AUH: variants seen among roughly 807,000 people sequenced by gnomAD.
AUH encodes methylglutaconyl-CoA hydratase, mitochondrial.
In AUH, 29 loss-of-function variants were observed where a neutral mutation model predicts 42.3. The ratio of observed to expected loss-of-function variants is 0.69; its 90% CI spans 0.51 to 0.93. The LOEUF is 0.93. Ranked by LOEUF, AUH falls within the 40% of genes least tolerant of loss-of-function variation. The pLI is 0.00. For synonymous variants in AUH, 174 were observed against 166.4 expected, an observed-to-expected ratio of 1.05 and a Z score of -0.35; for missense variants, 452 against 438.1, an observed-to-expected ratio of 1.03 and a Z score of -0.28.
chr9:91,331,712 CCTT>C (rs1261625202), intron 3 of AUH, among the ~76,000 whole-genome samples: 1 of 152,124 alleles, frequency 6.6e-6, no homozygotes, highest in East Asian at 1.9e-4. Flanking sequence ...TTAATAAATT[CCTT>C]CTTTTAAATA....
intron 6 of AUH, among the ~76,000 whole-genome samples, chr9:91,289,104 G>A (rs1302366962): frequency 6.6e-6 from 1 of 152,108 alleles, no homozygotes; most frequent in African/African-American, 2.4e-5. Context: ...TTTATCAAAT[G>A]TACAGTAAAT....
chr9:91,331,610 G>A (rs996746217), intron 3 of AUH, among the ~76,000 whole-genome samples: 4 of 151,966 alleles, frequency 2.6e-5, no homozygotes, highest in Non-Finnish European at 4.4e-5. Context: ...AGTAGACAAC[G>A]CATGGAATTG....
At chr9:91,357,443 G>C in intron 1 of AUH, 2 of 929,734 alleles carry the variant, frequency 2.2e-6, no homozygotes, top group Non-Finnish European at 2.6e-6. Flanking sequence ...AAGCAGCTAA[G>C]ACTAGATGTG....
intron 3 of AUH, among the ~76,000 whole-genome samples, chr9:91,337,245 T>G (rs1054242888): frequency 6.6e-6 from 1 of 152,234 alleles, no homozygotes; most frequent in Non-Finnish European, 1.5e-5. Flanking sequence ...ATGAAATTCA[T>G]GTGTTTTCTT....
chr9:91,296,003 G>A lies in AUH; in HGVS notation c.655+18C>T. 6.2e-7 allele frequency: 1 copy of A among 1,613,608 alleles called. No individual in the cohort carries two copies. Among genetic ancestry groups the A allele is most frequent in the East Asian group, 2.2e-5 (1 of 44,826 alleles). On this transcript the variant is annotated intron_variant, in intron 6 of 9. Coordinates refer to ENST00000375731, the MANE Select transcript of AUH (RefSeq NM_001698.3). ...GACCAAATCAAGGATTTGAGGAATG[G>A]GCGTGAACTACTCATACCTCCACCA...
At position 91,308,813 on chromosome 9, in the gene AUH, G is replaced by A. The variant is rs908288679; in HGVS notation, c.506-10737C>T. On this transcript the variant is annotated intron_variant, in intron 4 of 9. Transcript: ENST00000375731. ...ATTCTTTTTTTTTTTTTTTTGAGAC[G>A]CAGTTTCGCTATTGTTACCCAGGCT... Among the ~76,000 whole-genome samples, 3 of 144,138 alleles carry A rather than the reference G, an allele frequency of 2.1e-5. 1 individual carries two copies. Among genetic ancestry groups the A allele is most frequent in the East Asian group, 4.1e-4 (2 of 4,916 alleles). The allele number at this position is 144,138 out of a possible 152,430, so 94.6% of individuals were successfully genotyped here.
At chr9:91,254,637 T>C (rs1829312360) in intron 6 of AUH, among the ~76,000 whole-genome samples, 1 of 152,122 alleles carries the variant, frequency 6.6e-6, no homozygotes, top group Non-Finnish European at 1.5e-5. Flanking sequence ...AAGAGATGGG[T>C]AATCTAAAAT....
intron 6 of AUH, among the ~76,000 whole-genome samples, chr9:91,256,473 C>A (rs918856539): frequency 1.3e-5 from 2 of 152,112 alleles, no homozygotes; most frequent in Non-Finnish European, 2.9e-5. Context: ...CATCACCACC[C>A]AGACACTTCC....
At chr9:91,339,443 C>T (rs1044512767) in intron 3 of AUH, among the ~76,000 whole-genome samples, 3 of 152,122 alleles carry the variant, frequency 2.0e-5, no homozygotes, top group African/African-American at 7.2e-5. Context: ...AGTCAATATA[C>T]TGCAGGTACT....
At chr9:91,214,660 A>G (rs963788895) in intron 9 of AUH, among the ~76,000 whole-genome samples, 11 of 152,192 alleles carry the variant, frequency 7.2e-5, no homozygotes, top group Non-Finnish European at 1.5e-4. Context: ...TTATCGATTT[A>G]GATATTTTCT....
At chr9:91,243,595 T>A (rs574790456) in intron 6 of AUH, among the ~76,000 whole-genome samples, 1 of 152,276 alleles carries the variant, frequency 6.6e-6, no homozygotes, top group South Asian at 2.1e-4. Context: ...TTAGGGCTAG[T>A]GCTACAAGAA....
intron 4 of AUH, among the ~76,000 whole-genome samples, chr9:91,308,820 C>T (rs867501253): frequency 1.9e-4 from 27 of 141,908 alleles, no homozygotes; most frequent in South Asian, 1.1e-3. Context: ...GACGCAGTTT[C>T]GCTATTGTTA....
intron 6 of AUH, among the ~76,000 whole-genome samples, chr9:91,260,527 G>C (rs1829655022): frequency 6.6e-6 from 1 of 151,954 alleles, no homozygotes; most frequent in African/African-American, 2.4e-5. Flanking sequence ...TCTCAGCTAG[G>C]GCTTTATGAG....
At chr9:91,334,027 T>C (rs571846191) in intron 3 of AUH, among the ~76,000 whole-genome samples, 3 of 152,282 alleles carry the variant, frequency 2.0e-5, no homozygotes, top group Middle Eastern at 3.4e-3. Context: ...CGTTATGTAT[T>C]AGACAGACCC....
chr9:91,214,050 T>C lies in AUH; in HGVS notation c.*298A>G. The C allele has an allele frequency of 3.2e-6, 1 of 312,336 alleles. No homozygotes were observed. The highest frequency in any genetic ancestry group is 3.8e-5 in the South Asian group (1 of 26,014). The allele number at this position is 312,336 out of a possible 1,614,324, so 19.3% of individuals were successfully genotyped here. ...CTAGAATGTGCAATATATAAATTAT[T>C]CACATTAAAAAATTAACAGAAAGCC... On this transcript the variant is annotated 3_prime_UTR_variant, in exon 10 of 10. Coordinates refer to ENST00000375731, the MANE Select transcript of AUH (RefSeq NM_001698.3).
At chr9:91,217,361 A>T (rs891900371) in intron 7 of AUH, 34 bp from the exon 8 acceptor site, 2 of 1,591,124 alleles carry the variant, frequency 1.3e-6, no homozygotes, top group African/African-American at 2.7e-5. Flanking sequence ...GACTTCAATT[A>T]TTTTTTATGC....
intron 6 of AUH, among the ~76,000 whole-genome samples, chr9:91,282,257 G>T (rs950824522): frequency 1.3e-5 from 2 of 152,058 alleles, no homozygotes; most frequent in Non-Finnish European, 2.9e-5. Flanking sequence ...TTATTTCAAT[G>T]TTACCTTTTA....
intron 6 of AUH, among the ~76,000 whole-genome samples, chr9:91,224,451 T>C (rs1587630138): frequency 6.6e-6 from 1 of 152,234 alleles, no homozygotes; most frequent in African/African-American, 2.4e-5. Context: ...TAAAAGTCTT[T>C]AATTTTGGTC....
chr9:91,241,369 C>T (rs186067650), intron 6 of AUH, among the ~76,000 whole-genome samples: 55 of 152,128 alleles, frequency 3.6e-4, no homozygotes, highest in African/African-American at 1.3e-3. Context: ...ATTCTAATCC[C>T]TAGTTATTTA....
Sources: gnomAD v4.1 joint callset for allele counts (sites outside exome capture counted in the v4.1 genomes callset) on GRCh38, gnomAD v4.1.1 for gene constraint, MANE v1.5 for transcripts, NCBI Gene and HGNC (gene_info 2026-07-23, HGNC 2026-07-21) for gene names.